Variants in TAFA1 observed in about 807,000 individuals in gnomAD.
TAFA1 encodes TAFA chemokine like family member 1.
A neutral mutation model predicts 18.5 loss-of-function variants in TAFA1; 4 were observed. The ratio of observed to expected loss-of-function variants is 0.22; its 90% confidence interval spans 0.11 to 0.49. The LOEUF (loss-of-function observed/expected upper bound fraction) is 0.49, where lower values mean the gene tolerates loss of function less well. TAFA1 is among the 20% of genes least tolerant of loss of function. TAFA1 has a pLI of 0.98. For missense variants in TAFA1, 147 were observed against 169.0 expected, an observed-to-expected ratio of 0.87 and a Z score of 0.72; for synonymous variants, 56 against 55.2, an observed-to-expected ratio of 1.01 and a Z score of -0.06.
chr3:68,028,310 CA>C (rs1704859911), intron 2 of TAFA1, among the ~76,000 whole-genome samples: 1 of 135,620 alleles, frequency 7.4e-6, no homozygotes, highest in Non-Finnish European at 1.8e-5. Context: ...AAAAAACAAA[CA>C]AAACAAAACA....
intron 2 of TAFA1, among the ~76,000 whole-genome samples, chr3:68,033,108 A>G (rs977602016): frequency 6.6e-6 from 1 of 152,196 alleles, no homozygotes; most frequent in African/African-American, 2.4e-5. Context: ...ATAATGAAAA[A>G]GTGGTCAAAT....
intron 2 of TAFA1, among the ~76,000 whole-genome samples, chr3:68,162,687 C>A (rs2065939796): frequency 6.6e-6 from 1 of 152,162 alleles, no homozygotes; most frequent in Non-Finnish European, 1.5e-5. Flanking sequence ...AGTCCATTAA[C>A]TGTGTGTTTG....
intron 2 of TAFA1, among the ~76,000 whole-genome samples, chr3:68,174,483 G>A (rs538302161): frequency 7.2e-5 from 11 of 152,204 alleles, no homozygotes; most frequent in Admixed American, 2.0e-4. Flanking sequence ...GGTGGTCTCC[G>A]GTGGAGATGA....
chr3:68,166,882 C>G lies in TAFA1; in HGVS notation c.118+160138C>G, dbSNP rs530972253. Among the ~76,000 whole-genome samples the G allele has an allele frequency of 1.8e-4, 27 of 152,212 alleles. No individual in the cohort carries two copies. In the South Asian group the frequency reaches 4.6e-3, roughly 26 times the overall value. On this transcript the variant is annotated intron_variant, in intron 2 of 4. Coordinates refer to ENST00000478136, the MANE Select transcript of TAFA1 (RefSeq NM_213609.4). ...CAGGGGAAGTACATCCGCCGTGAAG[C>G]CTTACCCAGTAGACATGCAGTAAAT...
chr3:68,178,145 C>G (rs1039145463), intron 2 of TAFA1, among the ~76,000 whole-genome samples: 2 of 142,792 alleles, frequency 1.4e-5, no homozygotes, highest in African/African-American at 2.4e-5. Flanking sequence ...CTCCATCCCC[C>G]CCTCCCCAAA....
chr3:68,480,046 G>A (rs2072201084), intron 3 of TAFA1, among the ~76,000 whole-genome samples: 1 of 152,048 alleles, frequency 6.6e-6, no homozygotes, highest in Non-Finnish European at 1.5e-5. Context: ...CTCTCAAAGT[G>A]TGGTTCCATG....
At chr3:68,140,990 A>T (rs1484153745) in intron 2 of TAFA1, among the ~76,000 whole-genome samples, 1 of 152,178 alleles carries the variant, frequency 6.6e-6, no homozygotes, top group African/African-American at 2.4e-5. Flanking sequence ...AACATACCAA[A>T]CCTGAGTTAG....
chr3:68,084,681 C>G lies in TAFA1; in HGVS notation c.118+77937C>G, dbSNP rs1425039742. Among the ~76,000 whole-genome samples the G allele has an allele frequency of 2.0e-5, 3 of 151,902 alleles. No homozygotes were observed. In the East Asian group the frequency reaches 5.8e-4, roughly 29 times the overall value. On this transcript the variant is annotated intron_variant, in intron 2 of 4. Transcript: ENST00000478136. The stretch of plus-strand genomic sequence containing the variant: ...GGCGCGGTGGCAGGCGGCTGTGATC[C>G]CAGCTACTTGGGAGGCTCAGGCAGG...
intron 2 of TAFA1, among the ~76,000 whole-genome samples, chr3:68,071,249 T>A (rs1414130571): frequency 6.6e-6 from 1 of 152,238 alleles, no homozygotes; most frequent in Non-Finnish European, 1.5e-5. Flanking sequence ...ACACCTTATG[T>A]GGATGGCAGC....
rs1333709030 is a variant in TAFA1 at position 68,254,176 on chromosome 3, T to TCTATCTATCTATCTATCTAC, written c.119-163093_119-163092insTCTATCTACCTATCTATCTA. Among the ~76,000 whole-genome samples the TCTATCTATCTATCTATCTAC allele has an allele frequency of 4.0e-5, 6 of 149,844 alleles. No individual in the cohort carries two copies. In the East Asian group the frequency reaches 9.8e-4, roughly 24 times the overall value. ...ATCTATCTGTCTATCTATCTATCTATCTATCTATCTAATCTGTCTATCCAT... is the reference window on the plus strand; with the variant it reads ...ATCTATCTGTCTATCTATCTATCTATCTATCTATCTATCTATCTACCTATCTATCTAATCTGTCTATCCAT... On this transcript the variant is annotated intron_variant, in intron 2 of 4. Transcript: ENST00000478136.
intron 2 of TAFA1, among the ~76,000 whole-genome samples, chr3:68,322,769 C>T (rs2068715038): frequency 6.6e-6 from 1 of 152,180 alleles, no homozygotes; most frequent in Admixed American, 6.5e-5. Flanking sequence ...ATGGTGAAAC[C>T]CCATTTCTAC....
chr3:68,456,334 C>T (rs1318239530), intron 3 of TAFA1, among the ~76,000 whole-genome samples: 1 of 152,112 alleles, frequency 6.6e-6, no homozygotes, highest in Non-Finnish European at 1.5e-5. Context: ...GCTTCTGTTC[C>T]TTACCAATAA....
intron 2 of TAFA1, among the ~76,000 whole-genome samples, chr3:68,079,503 G>T (rs28846692): frequency 6.6e-6 from 1 of 151,994 alleles, no homozygotes; most frequent in Non-Finnish European, 1.5e-5. Context: ...AGAGATTCTG[G>T]TATGTTGTGT....
intron 2 of TAFA1, among the ~76,000 whole-genome samples, chr3:68,037,831 G>C (rs1705083860): frequency 6.6e-6 from 1 of 152,114 alleles, no homozygotes. Context: ...GCATCTTTTG[G>C]CCAGACAGGA....
intron 2 of TAFA1, among the ~76,000 whole-genome samples, chr3:68,055,077 A>G (rs1266614791): frequency 6.6e-6 from 1 of 152,124 alleles, no homozygotes; most frequent in Non-Finnish European, 1.5e-5. Flanking sequence ...GTAAGAAAAC[A>G]TGAACAGGAG....
intron 2 of TAFA1, among the ~76,000 whole-genome samples, chr3:68,138,496 A>T (rs1206009526): frequency 6.6e-6 from 1 of 152,180 alleles, no homozygotes; most frequent in Non-Finnish European, 1.5e-5. Flanking sequence ...TAAACACGAA[A>T]TGTTTGTTAT....
intron 2 of TAFA1, among the ~76,000 whole-genome samples, chr3:68,113,676 T>G (rs913842307): frequency 1.3e-5 from 2 of 152,122 alleles, no homozygotes; most frequent in African/African-American, 4.8e-5. Flanking sequence ...AAAGACCCTA[T>G]GCAAGGTTCC....
intron 2 of TAFA1, among the ~76,000 whole-genome samples, chr3:68,236,809 G>A (rs1485240359): frequency 2.6e-5 from 4 of 152,100 alleles, no homozygotes; most frequent in African/African-American, 4.8e-5. Context: ...CCAATTTCCT[G>A]GCCGAGTTAT....
intron 2 of TAFA1, among the ~76,000 whole-genome samples, chr3:68,256,312 CGAG>C (rs1372581204): frequency 1.7e-4 from 26 of 152,026 alleles, no homozygotes; most frequent in Non-Finnish European, 3.2e-4. Context: ...TTTTTCAATA[CGAG>C]GAGTTCTCTC....
Sources: gnomAD v4.1 joint callset for allele counts (sites outside exome capture counted in the v4.1 genomes callset) on GRCh38, gnomAD v4.1.1 for gene constraint, MANE v1.5 for transcripts, NCBI Gene and HGNC (gene_info 2026-07-23, HGNC 2026-07-21) for gene names.